PRDM11: variants seen among roughly 807,000 people sequenced by gnomAD.
PRDM11 encodes PR domain-containing protein 11.
In PRDM11, 20 loss-of-function variants were observed where a neutral mutation model predicts 97.8. That is an observed-to-expected ratio of 0.20 (90% CI 0.14 to 0.30). The LOEUF (loss-of-function observed/expected upper bound fraction) is 0.30. Ranked by LOEUF, PRDM11 falls within the 10% of genes least tolerant of loss-of-function variation. The pLI, the probability that PRDM11 is intolerant of heterozygous loss-of-function variation, is 1.00. For missense variants in PRDM11, 1,139 were observed against 1,555.2 expected (o/e 0.73, Z 4.50); for synonymous variants, 599 against 637.7 (o/e 0.94, Z 0.91).
At chr11:45,102,883 T>C (rs890141741) in intron 1 of PRDM11, among the ~76,000 whole-genome samples, 1 of 152,164 alleles carries the variant, frequency 6.6e-6, no homozygotes, top group Non-Finnish European at 1.5e-5. Flanking sequence ...CTTGCCAAGC[T>C]GATTAGTGTG....
At chr11:45,220,154 A>G (rs529608937) in intron 6 of PRDM11, among the ~76,000 whole-genome samples, 4 of 152,218 alleles carry the variant, frequency 2.6e-5, no homozygotes, top group Non-Finnish European at 5.9e-5. Flanking sequence ...TATGTGAAAT[A>G]CTGACAACAG....
intron 1 of PRDM11, among the ~76,000 whole-genome samples, chr11:45,163,843 C>G (rs1851992708): frequency 6.6e-6 from 1 of 152,210 alleles, no homozygotes; most frequent in Non-Finnish European, 1.5e-5. Context: ...GACAACTGGG[C>G]TTGGAGTTGA....
chr11:45,151,873 T>G (rs1450581099), intron 1 of PRDM11, among the ~76,000 whole-genome samples: 1 of 151,640 alleles, frequency 6.6e-6, no homozygotes, highest in Non-Finnish European at 1.5e-5. Context: ...GGGTAGAGAG[T>G]AAGTGTAAGG....
chr11:45,126,280 C>G (rs1233548635), intron 1 of PRDM11, among the ~76,000 whole-genome samples: 3 of 152,080 alleles, frequency 2.0e-5, no homozygotes, highest in African/African-American at 7.2e-5. Flanking sequence ...TGAGTCTTGA[C>G]TCTTTATCCA....
intron 1 of PRDM11, among the ~76,000 whole-genome samples, chr11:45,117,948 A>G (rs1350583506): frequency 1.3e-5 from 2 of 152,236 alleles, no homozygotes; most frequent in African/African-American, 4.8e-5. Flanking sequence ...TGTTGACAAT[A>G]TATATACTTG....
chr11:45,128,540 T>A (rs1852641766), intron 1 of PRDM11, among the ~76,000 whole-genome samples: 1 of 116,404 alleles, frequency 8.6e-6, no homozygotes, highest in African/African-American at 3.3e-5. Context: ...TATTAACAAC[T>A]TTTTGTTGAT....
At position 45,224,839 on chromosome 11, in the gene PRDM11, T is replaced by C. The variant is rs375224612; in HGVS notation, c.1365T>C (p.Pro455=). ...TGGAGCTCCCAGAGTTCTCGGACCC[T>C]GCAGGTAAGTTGGTTTGGATGAGAT... ...QVLELPEFSD[P]AASESMVSGP... The change falls in exon 7 of 8, where the codon CCT becomes CCC. Residue 455 remains proline, a synonymous_variant. Coordinates refer to ENST00000683152, the MANE Select transcript of PRDM11 (RefSeq NM_001384648.1). 1.7e-4 allele frequency: 276 copies of C among 1,613,748 alleles called. 2 individuals carry two copies. Among genetic ancestry groups the C allele is most frequent in the Middle Eastern group, 1.5e-3 (9 of 6,062 alleles).
At chr11:45,176,526 A>C (rs781481144) in intron 1 of PRDM11, among the ~76,000 whole-genome samples, 3 of 152,222 alleles carry the variant, frequency 2.0e-5, no homozygotes, top group Non-Finnish European at 2.9e-5. Flanking sequence ...TTCTGATATC[A>C]GTGCCACAGG....
At chr11:45,095,744 G>C (rs1038947694), upstream of PRDM11, 22 of 692,750 alleles carry the variant, frequency 3.2e-5, no homozygotes, top group Admixed American at 1.1e-4. Flanking sequence ...TGCAGATTAT[G>C]ATGGCCGCAG....
intron 4 of PRDM11, among the ~76,000 whole-genome samples, chr11:45,190,133 GCA>G (rs149979412): frequency 2.0e-5 from 3 of 149,492 alleles, no homozygotes; most frequent in South Asian, 2.1e-4. Flanking sequence ...ACACACACGT[GCA>G]CACACACACA....
In PRDM11 at chr11:45,224,238, A is replaced by G; in HGVS notation, c.764A>G (p.Glu255Gly). Residue 255 changes from glutamate to glycine, a missense_variant, in exon 7 of 8, where the codon GAG becomes GGG. By Grantham distance (98) the Glu-to-Gly change is moderately conservative (BLOSUM62 -2). Coordinates refer to ENST00000683152, the MANE Select transcript of PRDM11 (RefSeq NM_001384648.1). ...CTAGGAGAGAAGAGGTTGCAGAGGG[A>G]GAAGTCTGAGCAGGTTCTGGATAAC... ...LARGEKRLQREKSEQVLDNPE... is the reference protein window; with the variant it reads ...LARGEKRLQRGKSEQVLDNPE... The G allele has an allele frequency of 1.3e-6, 2 of 1,596,134 alleles. No homozygotes were observed. The highest frequency in any genetic ancestry group is 1.7e-6 in the Non-Finnish European group (2 of 1,172,558).
chr11:45,187,086 A>G (rs1216368829), intron 4 of PRDM11, among the ~76,000 whole-genome samples: 1 of 152,212 alleles, frequency 6.6e-6, no homozygotes, highest in African/African-American at 2.4e-5. Context: ...GTCTGTTCTT[A>G]TGGAGCCTGT....
rs997178014 is a variant in PRDM11 at position 45,219,878 on chromosome 11, C to T, written c.742+121C>T. The T allele has an allele frequency of 2.0e-5, 24 of 1,223,354 alleles. No individual in the cohort carries two copies. Among genetic ancestry groups the T allele is most frequent in the East Asian group, 7.7e-5 (3 of 38,940 alleles). The allele number at this position is 1,223,354 out of a possible 1,614,324, so 75.8% of individuals were successfully genotyped here. A position where few individuals can be genotyped will look rare whatever the true frequency, so the allele number is the denominator to read the frequency against. On this transcript the variant is annotated intron_variant, in intron 6 of 7. Transcript: ENST00000683152. The surrounding 1 kb of genome is among the most constrained non-coding windows in gnomAD (Gnocchi z 4.2). The stretch of plus-strand genomic sequence containing the variant: ...AGCAATGGGAAGACCCAGAGTGATT[C>T]GGGGGAACAGATGGTTGAGGTCTGA...
At chr11:45,131,364 G>A (rs1852715573) in intron 1 of PRDM11, among the ~76,000 whole-genome samples, 1 of 152,174 alleles carries the variant, frequency 6.6e-6, no homozygotes, top group South Asian at 2.1e-4. Context: ...GTAATTTTCT[G>A]TATATACGTT....
intron 1 of PRDM11, among the ~76,000 whole-genome samples, chr11:45,163,963 C>T (rs1851996543): frequency 6.6e-6 from 1 of 152,174 alleles, no homozygotes; most frequent in Admixed American, 6.5e-5. Flanking sequence ...TGAGGTTTGG[C>T]AGCCAGCAGC....
chr11:45,109,306 GA>G (rs1852124598), intron 1 of PRDM11, among the ~76,000 whole-genome samples: 1 of 152,158 alleles, frequency 6.6e-6, no homozygotes, highest in African/African-American at 2.4e-5. Flanking sequence ...CCCCTGCCTT[GA>G]AAGGAAAATA....
intron 1 of PRDM11, among the ~76,000 whole-genome samples, chr11:45,115,574 T>C (rs1332387236): frequency 6.6e-6 from 1 of 152,114 alleles, no homozygotes; most frequent in East Asian, 1.9e-4. Context: ...ACTCTTTCAA[T>C]AGAAATATAT....
chr11:45,106,152 GCCTCTGGGGTCACTGCAGTC>G (rs1003193668), intron 1 of PRDM11, among the ~76,000 whole-genome samples: 1 of 152,226 alleles, frequency 6.6e-6, no homozygotes, highest in African/African-American at 2.4e-5. Flanking sequence ...GAAGGAAAGG[GCCTCTGGGGTCACTGCAGTC>G]CCTCTGGCCT....
upstream of PRDM11, among the ~76,000 whole-genome samples, chr11:45,144,085 C>T (rs1318012234): frequency 6.6e-6 from 1 of 152,202 alleles, no homozygotes; most frequent in Non-Finnish European, 1.5e-5. Context: ...CTAGGGCTTC[C>T]CTTCTGAGAT....
Sources: allele counts gnomAD v4.1 joint callset (sites outside exome capture counted in the v4.1 genomes callset), GRCh38; gene constraint gnomAD v4.1.1; non-coding constraint Gnocchi (gnomAD v3.1); transcripts MANE v1.5; gene names NCBI Gene and HGNC (gene_info 2026-07-23, HGNC 2026-07-21).